The following PLCE1 variants were observed in gnomAD, a reference collection of about 807,000 sequenced individuals.
PLCE1 encodes 1-phosphatidylinositol 4,5-bisphosphate phosphodiesterase epsilon-1.
A neutral mutation model predicts 242.8 loss-of-function variants in PLCE1; 119 were observed. The observed-to-expected ratio is 0.49, with a 90% confidence interval of 0.42 to 0.57. The LOEUF is 0.57. Ranked by LOEUF, PLCE1 falls within the 20% of genes least tolerant of loss-of-function variation. The probability of loss-of-function intolerance (pLI) is 0.00; values close to 1 mark genes in which losing one functional copy is unlikely to be tolerated. For synonymous variants in PLCE1, 945 were observed against 1,017.4 expected, an observed-to-expected ratio of 0.93 and a Z score of 1.35; for missense variants, 2,441 against 2,788.8, an observed-to-expected ratio of 0.88 and a Z score of 2.81.
intron 2 of PLCE1, among the ~76,000 whole-genome samples, chr10:94,039,382 CTTT>C (rs528351330): frequency 6.9e-6 from 1 of 145,588 alleles, no homozygotes; most frequent in African/African-American, 2.5e-5. Context: ...TTCTCCATAT[CTTT>C]TTTTTTTTTT....
chr10:94,179,936 CAAAA>C (rs5787102), intron 4 of PLCE1, among the ~76,000 whole-genome samples: 3 of 113,594 alleles, frequency 2.6e-5, no homozygotes, highest in African/African-American at 8.9e-5. Context: ...TGTTAGTTCC[CAAAA>C]AAAAAAAAAA....
intron 8 of PLCE1, among the ~76,000 whole-genome samples, chr10:94,251,940 T>C (rs554590768): frequency 1.9e-4 from 29 of 152,320 alleles, no homozygotes; most frequent in African/African-American, 7.0e-4. Flanking sequence ...TTTACTTAGA[T>C]TGATACCCTG....
At chr10:94,064,324 G>A (rs1211616735) in intron 2 of PLCE1, among the ~76,000 whole-genome samples, 2 of 152,054 alleles carry the variant, frequency 1.3e-5, no homozygotes, top group Non-Finnish European at 2.9e-5. Context: ...GCTGAGGTAG[G>A]TGGATCACTT....
chr10:94,273,832 G>T (rs2051839852), intron 19 of PLCE1, 112 bp downstream of exon 19: 2 of 995,430 alleles, frequency 2.0e-6, no homozygotes, highest in African/African-American at 3.2e-5. Context: ...TTTCAAGACT[G>T]ACTTTCCTTA....
intron 2 of PLCE1, chr10:94,104,651 A>G (rs2045659984): frequency 6.6e-6 from 1 of 152,164 alleles, no homozygotes; most frequent in Non-Finnish European, 1.5e-5. Flanking sequence ...ATCTAATTGA[A>G]ATACCCACAA....
chr10:94,191,276 A>G (rs1437788956), intron 4 of PLCE1, among the ~76,000 whole-genome samples: 1 of 152,180 alleles, frequency 6.6e-6, no homozygotes, highest in Non-Finnish European at 1.5e-5. Context: ...CATTTGCAGG[A>G]GAATTTCACT....
intron 2 of PLCE1, among the ~76,000 whole-genome samples, chr10:94,115,309 T>C (rs1410392207): frequency 6.6e-6 from 1 of 152,174 alleles, no homozygotes; most frequent in Non-Finnish European, 1.5e-5. Flanking sequence ...GGTCAAATGG[T>C]ATTTCTAGTT....
intron 29 of PLCE1, among the ~76,000 whole-genome samples, chr10:94,319,032 A>T (rs1249206903): frequency 6.6e-6 from 1 of 152,164 alleles, no homozygotes; most frequent in East Asian, 1.9e-4. Flanking sequence ...TGGGTGACAG[A>T]GCAAGACTTC....
chr10:94,305,182 A>T (rs1382708067), intron 25 of PLCE1, among the ~76,000 whole-genome samples: 1 of 152,180 alleles, frequency 6.6e-6, no homozygotes, highest in East Asian at 1.9e-4. Context: ...TAATCCTAGC[A>T]ATTTGGGAGG....
At chr10:94,231,883 C>T (rs368704227) in intron 5 of PLCE1, among the ~76,000 whole-genome samples, 41 of 152,300 alleles carry the variant, frequency 2.7e-4, no homozygotes, top group African/African-American at 9.4e-4. Context: ...CTTGCTTGCC[C>T]GCTGCTCATC....
intron 2 of PLCE1, among the ~76,000 whole-genome samples, chr10:94,116,007 G>A (rs1311876297): frequency 6.6e-6 from 1 of 152,166 alleles, no homozygotes; most frequent in Non-Finnish European, 1.5e-5. Flanking sequence ...CATGATGCAG[G>A]CGATAACTGT....
chr10:94,057,260 G>A (rs555299966), intron 2 of PLCE1, among the ~76,000 whole-genome samples: 27 of 151,892 alleles, frequency 1.8e-4, no homozygotes, highest in East Asian at 1.4e-3. Flanking sequence ...GCACTTTTTC[G>A]TTTTCATAGG....
Position 94,321,886 on chromosome 10 carries a change from T to G in PLCE1, c.6343-15T>G. Reference sequence around the variant, plus strand: ...AAACCTATTATTTACTCACATTTTTTCTTTTTAAACATAGAACCTAGAAGA... The same window carrying G: ...AAACCTATTATTTACTCACATTTTTGCTTTTTAAACATAGAACCTAGAAGA... On this transcript the variant is annotated splice_polypyrimidine_tract_variant and intron_variant, in intron 29 of 32. Coordinates refer to ENST00000371380, the MANE Select transcript of PLCE1 (RefSeq NM_016341.4). The G allele has an allele frequency of 1.2e-6, 2 of 1,600,882 alleles. No homozygotes were observed. Among genetic ancestry groups the G allele is most frequent in the Non-Finnish European group, 1.7e-6 (2 of 1,168,060 alleles).
chr10:94,319,225 A>T (rs975561888), intron 29 of PLCE1, among the ~76,000 whole-genome samples: 2 of 152,178 alleles, frequency 1.3e-5, no homozygotes, highest in African/African-American at 4.8e-5. Context: ...TTTGTTAGGA[A>T]ATTTTTGAAA....
Position 94,284,879 on chromosome 10 carries a change from A to G in PLCE1, c.4949A>G (p.Tyr1650Cys). 19 of 1,609,132 alleles carry G rather than the reference A, an allele frequency of 1.2e-5. No homozygotes were observed. The highest frequency in any genetic ancestry group is 2.2e-5 in the East Asian group (1 of 44,812). Residue 1650 changes from tyrosine (Y) to cysteine (C), a missense_variant, in exon 22 of 33, where the codon TAT becomes TGT. Tyr to Cys is a radical substitution (Grantham distance 194). Transcript: ENST00000371380. ...GATATGGAACTGGGAGAAGAATTTT[A>G]TCTTGATCAGAATAAAAAGGAAAGC... Reference protein sequence around the residue: ...VYDMELGEEFYLDQNKKESRQ... With the variant: ...VYDMELGEEFCLDQNKKESRQ...
chr10:94,047,819 G>C (rs1200423505), intron 2 of PLCE1, among the ~76,000 whole-genome samples: 2 of 151,920 alleles, frequency 1.3e-5, no homozygotes, highest in Non-Finnish European at 2.9e-5. Context: ...CCCTTCCCAG[G>C]TACCATCTTC....
chr10:94,298,669 G>T lies in PLCE1; in HGVS notation c.5458G>T (p.Asp1820Tyr), dbSNP rs771250044. The change falls in exon 24 of 33, where the codon GAT becomes TAT. Residue 1820 changes from aspartate (D) to tyrosine (Y), a missense_variant and splice_region_variant. Physicochemically the swap from Asp to Tyr is radical, Grantham distance 160 (BLOSUM62 -3). Coordinates refer to ENST00000371380, the MANE Select transcript of PLCE1 (RefSeq NM_016341.4). This position sits in a 1 kb window ranked among gnomAD's most constrained non-coding sequence, Gnocchi z 5.2. ...TGTGGCACTCAACTACCAGACTGAT[G>T]GTAAGGGGCCTGCATGCTCACCTCG... ...QLVALNYQTD[D>Y]LPLHLNAAMF... 6.2e-7 allele frequency: 1 copy of T among 1,614,006 alleles called. No individual in the cohort carries two copies. Among genetic ancestry groups the T allele is most frequent in the Non-Finnish European group, 8.5e-7 (1 of 1,179,968 alleles).
chr10:94,188,832 T>G (rs1388270786), intron 4 of PLCE1, among the ~76,000 whole-genome samples: 1 of 152,068 alleles, frequency 6.6e-6, no homozygotes, highest in Non-Finnish European at 1.5e-5. Context: ...CTCAAACTCC[T>G]GACCTCAGGT....
At chr10:94,203,542 T>G (rs746471535) in intron 4 of PLCE1, among the ~76,000 whole-genome samples, 1 of 152,236 alleles carries the variant, frequency 6.6e-6, no homozygotes, top group Non-Finnish European at 1.5e-5. Context: ...TTTCTCTTTT[T>G]GATGACCTCA....
Sources: gnomAD v4.1 joint callset for allele counts (sites outside exome capture counted in the v4.1 genomes callset) on GRCh38, gnomAD v4.1.1 for gene constraint, Gnocchi (gnomAD v3.1) non-coding constraint, MANE v1.5 for transcripts, NCBI Gene and HGNC (gene_info 2026-07-23, HGNC 2026-07-21) for gene names.